The following CRYZL1 variants were observed in gnomAD, a reference collection of about 807,000 sequenced individuals.
CRYZL1 encodes the protein crystallin zeta like 1.
A neutral mutation model predicts 50.6 loss-of-function variants in CRYZL1; 34 were observed. That is an observed-to-expected ratio of 0.67 (90% CI 0.51 to 0.89). The LOEUF (loss-of-function observed/expected upper bound fraction) is 0.89, where lower values mean the gene tolerates loss of function less well. Among genes scored for constraint, CRYZL1 ranks in the 40% least tolerant of loss-of-function variants. The pLI is 0.00. For synonymous variants in CRYZL1, 125 were observed against 134.3 expected (o/e 0.93, Z 0.48); for missense variants, 354 against 402.3 (o/e 0.88, Z 1.03).
chr21:33,640,453 T>C (rs2087268882), intron 1 of CRYZL1, among the ~76,000 whole-genome samples: 1 of 152,060 alleles, frequency 6.6e-6, no homozygotes, highest in African/African-American at 2.4e-5. Context: ...TTGGGCTACT[T>C]AATTTTAACC....
At chr21:33,636,401 T>C (rs943892635) in intron 1 of CRYZL1, among the ~76,000 whole-genome samples, 2 of 152,200 alleles carry the variant, frequency 1.3e-5, no homozygotes, top group African/African-American at 4.8e-5. Context: ...TAAACCTGTT[T>C]AAAAATGTAG....
chr21:33,628,778 A>G (rs575324330), intron 2 of CRYZL1, among the ~76,000 whole-genome samples: 4 of 146,510 alleles, frequency 2.7e-5, no homozygotes, highest in Non-Finnish European at 6.0e-5. Flanking sequence ...ACTCAAAAAA[A>G]TTTTTTTTTT....
At chr21:33,626,260 G>A (rs889493072) in intron 2 of CRYZL1, among the ~76,000 whole-genome samples, 14 of 152,208 alleles carry the variant, frequency 9.2e-5, no homozygotes, top group African/African-American at 3.1e-4. Flanking sequence ...TGCCTGGCTA[G>A]CCAGTGGAAT....
At chr21:33,638,626 A>G (rs1328405621) in intron 1 of CRYZL1, among the ~76,000 whole-genome samples, 1 of 152,240 alleles carries the variant, frequency 6.6e-6, no homozygotes, top group Non-Finnish European at 1.5e-5. Context: ...TGCACTAGCA[A>G]TGAGTCCACA....
chr21:33,603,649 C>T lies in CRYZL1; in HGVS notation c.332-112G>A. The T allele has an allele frequency of 3.7e-6, 4 of 1,091,660 alleles. No homozygotes were observed. In the South Asian group the frequency reaches 6.0e-5, roughly 16 times the overall value. The allele number at this position is 1,091,660 out of a possible 1,614,324, so 67.6% of individuals were successfully genotyped here. A position where few individuals can be genotyped will look rare whatever the true frequency, so the allele number is the denominator to read the frequency against. ...ACTATGGCCCTGGTCCAAGCCCCTA[C>T]TCCCATTCTCTCTCACCTACAATAC... On this transcript the variant is annotated intron_variant, in intron 6 of 12. Transcript: ENST00000381554.
chr21:33,616,503 G>C (rs1431417316), intron 5 of CRYZL1: 2 of 852,024 alleles, frequency 2.3e-6, no homozygotes, highest in African/African-American at 1.8e-5. Flanking sequence ...TGTTGGTCAG[G>C]CTGGTCTCGA....
intron 7 of CRYZL1, 110 bp downstream of exon 7, chr21:33,603,294 A>T (rs2086774982): frequency 1.5e-6 from 2 of 1,342,012 alleles, no homozygotes; most frequent in African/African-American, 2.9e-5. Context: ...AAAAAAGTCA[A>T]TCAATAAGCT....
intron 3 of CRYZL1, 78 bp from the exon 4 acceptor site, chr21:33,622,146 G>A: frequency 1.7e-6 from 2 of 1,144,710 alleles, no homozygotes; most frequent in Non-Finnish European, 2.6e-6. Flanking sequence ...GAAAGCGAGA[G>A]TAAAAGTCAA....
intron 1 of CRYZL1, among the ~76,000 whole-genome samples, chr21:33,636,207 C>T (rs2087204859): frequency 1.3e-5 from 2 of 151,874 alleles, no homozygotes; most frequent in African/African-American, 4.8e-5. Context: ...ACAGCCTGGG[C>T]AACAAAGCAA....
At chr21:33,620,531 C>T (rs1246313844) in intron 4 of CRYZL1, among the ~76,000 whole-genome samples, 1 of 151,388 alleles carries the variant, frequency 6.6e-6, no homozygotes, top group Non-Finnish European at 1.5e-5. Context: ...AAAAAAGGGG[C>T]CAGGGATGGT....
intron 5 of CRYZL1, among the ~76,000 whole-genome samples, chr21:33,615,341 T>G (rs2086917978): frequency 2.6e-5 from 4 of 151,588 alleles, no homozygotes; most frequent in Admixed American, 2.6e-4. Context: ...TTATGTAGAG[T>G]CGAGCTTTTG....
chr21:33,596,012 T>C (rs768973411), intron 10 of CRYZL1, 176 bp from the exon 11 acceptor site: 57 of 621,522 alleles, frequency 9.2e-5, no homozygotes, highest in Non-Finnish European at 1.6e-4. Context: ...TCCAAAATGA[T>C]GAAACAGCGA....
intron 6 of CRYZL1, among the ~76,000 whole-genome samples, chr21:33,610,831 A>C (rs940708634): frequency 6.8e-6 from 1 of 146,930 alleles, no homozygotes; most frequent in Non-Finnish European, 1.5e-5. Context: ...TCCTGAGTTC[A>C]AGCGATTCTC....
chr21:33,609,281 A>G (rs1438942524), intron 6 of CRYZL1, among the ~76,000 whole-genome samples: 1 of 152,078 alleles, frequency 6.6e-6, no homozygotes, highest in Non-Finnish European at 1.5e-5. Context: ...CTGTCTCTGC[A>G]CACTGTTGTT....
chr21:33,628,259 C>G (rs180702869), intron 2 of CRYZL1, among the ~76,000 whole-genome samples: 1 of 152,132 alleles, frequency 6.6e-6, no homozygotes, highest in Admixed American at 6.6e-5. Flanking sequence ...ATGCCTCCAG[C>G]TTTATTCTTT....
chr21:33,635,292 T>C (rs2087191561), intron 1 of CRYZL1, among the ~76,000 whole-genome samples: 1 of 151,352 alleles, frequency 6.6e-6, no homozygotes, highest in Admixed American at 6.6e-5. Flanking sequence ...TGTTATTTAA[T>C]AAAATTTGTA....
At chr21:33,628,024 C>T (rs190295228) in intron 2 of CRYZL1, among the ~76,000 whole-genome samples, 166 of 152,250 alleles carry the variant, frequency 1.1e-3, no homozygotes, top group Middle Eastern at 3.4e-3. Context: ...GGATTATAGG[C>T]GTAAGCCACC....
At chr21:33,609,402 C>T (rs1398950949) in intron 6 of CRYZL1, among the ~76,000 whole-genome samples, 3 of 152,026 alleles carry the variant, frequency 2.0e-5, no homozygotes, top group Non-Finnish European at 2.9e-5. Flanking sequence ...TAGGTTCAAG[C>T]GATTCTTCCT....
intron 1 of CRYZL1, chr21:33,640,243 CTT>C: frequency 6.5e-7 from 1 of 1,542,918 alleles, no homozygotes; most frequent in Non-Finnish European, 8.7e-7. Context: ...AGGCTGGCAG[CTT>C]TATCTTGTAT....
Sources: gnomAD v4.1 joint callset for allele counts (sites outside exome capture counted in the v4.1 genomes callset) on GRCh38, gnomAD v4.1.1 for gene constraint, MANE v1.5 for transcripts, NCBI Gene and HGNC (gene_info 2026-07-23, HGNC 2026-07-21) for gene names.